MRPL3: variants seen among roughly 807,000 people sequenced by gnomAD.
MRPL3 encodes the protein mitochondrial ribosomal protein L3.
Under a neutral mutation model 44.3 loss-of-function variants are expected in MRPL3, and 43 were observed. The observed-to-expected ratio is 0.97, with a 90% CI of 0.76 to 1.25. The LOEUF (loss-of-function observed/expected upper bound fraction) is 1.25. Ranked by LOEUF, MRPL3 falls within the 50% of genes most tolerant of loss-of-function variation. The pLI is 0.00. For missense variants in MRPL3, 406 were observed against 427.6 expected (o/e 0.95, Z 0.45); for synonymous variants, 171 against 152.3 (o/e 1.12, Z -0.91).
intron 2 of MRPL3, among the ~76,000 whole-genome samples, 161 bp from the exon 3 acceptor site, chr3:131,500,682 T>C (rs1372380509): frequency 1.3e-5 from 2 of 152,238 alleles, no homozygotes; most frequent in Non-Finnish European, 2.9e-5. Context: ...TTTACAGATA[T>C]AAGTGCCTTC....
At chr3:131,476,495 T>TA (rs963353749) in intron 6 of MRPL3, among the ~76,000 whole-genome samples, 5 of 152,128 alleles carry the variant, frequency 3.3e-5, no homozygotes, top group African/African-American at 1.2e-4. Flanking sequence ...CTAAAAATAA[T>TA]ATACAACATA....
At chr3:131,492,396 T>C (rs1019584020) in intron 4 of MRPL3, among the ~76,000 whole-genome samples, 1 of 152,134 alleles carries the variant, frequency 6.6e-6, no homozygotes, top group Non-Finnish European at 1.5e-5. Context: ...ACTGGTTTCA[T>C]GGAAGACCAT....
chr3:131,489,362 A>G (rs1044758820), intron 5 of MRPL3, among the ~76,000 whole-genome samples: 1 of 152,122 alleles, frequency 6.6e-6, no homozygotes, highest in African/African-American at 2.4e-5. Context: ...TATTTTACTT[A>G]AAGCAGTTTA....
chr3:131,474,763 T>TAAA, intron 6 of MRPL3, among the ~76,000 whole-genome samples: 1 of 142,746 alleles, frequency 7.0e-6, no homozygotes, highest in East Asian at 2.0e-4. Flanking sequence ...CTAGACTTTT[T>TAAA]AATTTTTTTT....
At chr3:131,470,487 A>G (rs1050057176) in intron 7 of MRPL3, among the ~76,000 whole-genome samples, 2 of 152,166 alleles carry the variant, frequency 1.3e-5, no homozygotes, top group African/African-American at 4.8e-5. Context: ...TCATGGCATT[A>G]GATATGTTTA....
chr3:131,480,697 A>G (rs1198077774), intron 6 of MRPL3, among the ~76,000 whole-genome samples: 3 of 152,186 alleles, frequency 2.0e-5, no homozygotes, highest in Admixed American at 2.0e-4. Context: ...AAACACAAAT[A>G]AACAATTCTA....
rs147073490 is a variant in MRPL3 at position 131,501,106 on chromosome 3, A to C, written c.277+425T>G. ...CTTATTCCTCTTGGTCTGGCCACAC[A>C]TGGGTTTAGCATCCTTCTAGACACA... On this transcript the variant is annotated intron_variant, in intron 2 of 9. Coordinates refer to ENST00000264995, the MANE Select transcript of MRPL3 (RefSeq NM_007208.4). 4.1e-3 allele frequency among the ~76,000 whole-genome samples: 622 copies of C among 152,326 alleles called. 3 individuals carry two copies. Among genetic ancestry groups the C allele is most frequent in the Middle Eastern group, 6.8e-3 (2 of 294 alleles).
At chr3:131,494,140 A>T (rs1160904848) in intron 4 of MRPL3, among the ~76,000 whole-genome samples, 1 of 152,234 alleles carries the variant, frequency 6.6e-6, no homozygotes, top group East Asian at 1.9e-4. Context: ...CCTACAACAA[A>T]TGCCAAGAAG....
At chr3:131,482,514 C>CAAA (rs753043392) in intron 6 of MRPL3, among the ~76,000 whole-genome samples, 2 of 86,790 alleles carry the variant, frequency 2.3e-5, no homozygotes, top group African/African-American at 8.8e-5. Flanking sequence ...GACTCCGTCT[C>CAAA]AAAAAAAAAA....
chr3:131,494,927 T>C (rs962923299), intron 4 of MRPL3, among the ~76,000 whole-genome samples: 1 of 152,190 alleles, frequency 6.6e-6, no homozygotes, highest in African/African-American at 2.4e-5. Context: ...CAAAGTTCTC[T>C]GCAATTATCC....
At position 131,462,655 on chromosome 3, in the gene MRPL3, T is replaced by C. The variant is rs1457382532; in HGVS notation, c.*68A>G. 7.1e-6 allele frequency: 10 copies of C among 1,410,894 alleles called. No homozygotes were observed. The East Asian group carries it at 2.1e-4, about 30-fold the overall frequency. The allele number at this position is 1,410,894 out of a possible 1,614,324, so 87.4% of individuals were successfully genotyped here. A position where few individuals can be genotyped will look rare whatever the true frequency, so the allele number is the denominator to read the frequency against. On this transcript the variant is annotated 3_prime_UTR_variant, in exon 10 of 10. Coordinates refer to ENST00000264995, the MANE Select transcript of MRPL3 (RefSeq NM_007208.4). The stretch of plus-strand genomic sequence containing the variant: ...TAAGAAAGGAGAGTATGATTTCTGG[T>C]GGTTATGATATCACTCTGGCTCATC...
chr3:131,495,986 C>G (rs565156289), intron 4 of MRPL3, among the ~76,000 whole-genome samples: 1 of 152,110 alleles, frequency 6.6e-6, no homozygotes, highest in African/African-American at 2.4e-5. Context: ...TTTTCTGATC[C>G]CACATCACTT....
intron 4 of MRPL3, among the ~76,000 whole-genome samples, chr3:131,494,222 C>CACAAGAGTGATA (rs1225650850): frequency 6.6e-6 from 1 of 152,208 alleles, no homozygotes; most frequent in Non-Finnish European, 1.5e-5. Flanking sequence ...TCCTTTCCTC[C>CACAAGAGTGATA]ACAAGAGTGA....
At chr3:131,484,781 C>T (rs1934080152) in intron 6 of MRPL3, among the ~76,000 whole-genome samples, 1 of 152,184 alleles carries the variant, frequency 6.6e-6, no homozygotes, top group Middle Eastern at 3.4e-3. Context: ...ATTAAAAGCA[C>T]CTTACAGCAA....
chr3:131,478,823 C>T (rs1346399411), intron 6 of MRPL3, among the ~76,000 whole-genome samples: 1 of 151,584 alleles, frequency 6.6e-6, no homozygotes, highest in South Asian at 2.1e-4. Context: ...ATTCTCAGGC[C>T]TCAGCCTCCC....
chr3:131,463,300 T>G lies in MRPL3; in HGVS notation c.895-425A>C, dbSNP rs113293358. ...ATCACCTCTTATTAAGGAAATCAGC[T>G]TACATTTTTCTTCCCCTACCAAAAG... is the stretch of plus-strand genomic sequence containing the variant. On this transcript the variant is annotated intron_variant, in intron 9 of 9. Transcript: ENST00000264995. 6.0e-3 allele frequency among the ~76,000 whole-genome samples: 911 copies of G among 152,170 alleles called. 13 individuals carry two copies. The highest frequency in any genetic ancestry group is 0.02 in the African/African-American group (851 of 41,514).
chr3:131,497,308 A>C (rs768849236), intron 4 of MRPL3, among the ~76,000 whole-genome samples: 6 of 152,238 alleles, frequency 3.9e-5, no homozygotes, highest in Non-Finnish European at 7.3e-5. Context: ...TAAAGTAACA[A>C]ATGAAAAAAG....
chr3:131,480,247 G>C (rs1372499840), intron 6 of MRPL3, among the ~76,000 whole-genome samples: 2 of 152,146 alleles, frequency 1.3e-5, no homozygotes, highest in African/African-American at 4.8e-5. Flanking sequence ...TCCCTGTAAA[G>C]TGCGGCAGTC....
intron 9 of MRPL3, among the ~76,000 whole-genome samples, chr3:131,465,274 A>G (rs2110693142): frequency 6.6e-6 from 1 of 152,334 alleles, no homozygotes. Flanking sequence ...ATGGCAAACT[A>G]TTATCGATTG....
Sources: gnomAD v4.1 joint callset for allele counts (sites outside exome capture counted in the v4.1 genomes callset) on GRCh38, gnomAD v4.1.1 for gene constraint, MANE v1.5 for transcripts, NCBI Gene and HGNC (gene_info 2026-07-23, HGNC 2026-07-21) for gene names.